The following TNFRSF1B variants were observed in gnomAD, a reference collection of about 807,000 sequenced individuals.
TNFRSF1B encodes TNF receptor superfamily member 1B, also known as tumor necrosis factor receptor superfamily member 1B.
Under a neutral mutation model 44.6 loss-of-function variants are expected in TNFRSF1B, and 19 were observed. That is an observed-to-expected ratio of 0.43 (90% confidence interval 0.30 to 0.62). The LOEUF is 0.62. Ranked by LOEUF, TNFRSF1B falls within the 20% of genes least tolerant of loss-of-function variation. The probability of loss-of-function intolerance (pLI) is 0.16; values close to 1 mark genes in which losing one functional copy is unlikely to be tolerated. For synonymous variants in TNFRSF1B, 252 were observed against 261.1 expected, an observed-to-expected ratio of 0.97 and a Z score of 0.34; for missense variants, 541 against 619.9, an observed-to-expected ratio of 0.87 and a Z score of 1.35.
intron 1 of TNFRSF1B, among the ~76,000 whole-genome samples, chr1:12,179,924 C>T (rs1156448136): frequency 1.3e-5 from 2 of 152,144 alleles, no homozygotes; most frequent in African/African-American, 4.8e-5. Flanking sequence ...GGTACTTTTC[C>T]TGGATCTGAA....
rs755130591 is a variant in TNFRSF1B, at chr1:12,192,477, G to A, written c.504G>A (p.Thr168=). 5.6e-6 allele frequency: 9 copies of A among 1,614,156 alleles called. No individual in the cohort carries two copies. The East Asian group carries it at 8.9e-5, about 16-fold the overall frequency. Reference sequence around the variant, plus strand: ...TGTGCAAGCCCTGTGCCCCGGGGACGTTCTCCAACACGACTTCATCCACGG... The same window carrying A: ...TGTGCAAGCCCTGTGCCCCGGGGACATTCTCCAACACGACTTCATCCACGG... The part of the protein sequence containing the change: ...DVVCKPCAPG[T]FSNTTSSTDI... Residue 168 remains threonine (T), a synonymous_variant, in exon 5 of 10, where the codon ACG becomes ACA. Transcript: ENST00000376259.
chr1:12,190,830 T>C (rs888282324), intron 2 of TNFRSF1B, 127 bp from the exon 3 acceptor site: 1 of 1,131,320 alleles, frequency 8.8e-7, no homozygotes, highest in Admixed American at 2.4e-5. Flanking sequence ...TTCTGAGGAA[T>C]TGGAACTCCA....
intron 6 of TNFRSF1B, 94 bp downstream of exon 6, chr1:12,193,192 C>CG (rs923160179): frequency 6.0e-6 from 7 of 1,176,336 alleles, no homozygotes; most frequent in African/African-American, 3.0e-5. Context: ...TGAGAGCCCA[C>CG]GGGGGGCTGG....
At chr1:12,174,154 T>TCTCCTTCTC (rs61272101) in intron 1 of TNFRSF1B, among the ~76,000 whole-genome samples, 74 of 73,938 alleles carry the variant, frequency 1.0e-3, no homozygotes, top group South Asian at 1.9e-3. Context: ...TTCTTCTTCT[T>TCTCCTTCTC]CTTCTTCTTC....
chr1:12,199,204 A>G lies in TNFRSF1B; in HGVS notation c.901-2763A>G, dbSNP rs1431429794. Among the ~76,000 whole-genome samples, 5 of 152,198 alleles carry G rather than the reference A, an allele frequency of 3.3e-5. No homozygotes were observed. The highest frequency in any genetic ancestry group is 6.5e-5 in the Admixed American group (1 of 15,282). Reference sequence around the variant, plus strand: ...CAGAGGGGGTGGGGCACAGGCCAGAAAAACCCCTTTTGTGGGGTTGTGAGG... The same window carrying G: ...CAGAGGGGGTGGGGCACAGGCCAGAGAAACCCCTTTTGTGGGGTTGTGAGG... On this transcript the variant is annotated intron_variant, in intron 8 of 9. Transcript: ENST00000376259. This position sits in a 1 kb window ranked among gnomAD's most constrained non-coding sequence, Gnocchi z 4.0.
intron 8 of TNFRSF1B, among the ~76,000 whole-genome samples, chr1:12,201,353 A>G (rs1460258531): frequency 6.6e-6 from 1 of 152,080 alleles, no homozygotes; most frequent in East Asian, 1.9e-4. Context: ...CTGATTTAAC[A>G]AACTCTTGTA....
At chr1:12,173,796 G>A (rs145113626) in intron 1 of TNFRSF1B, among the ~76,000 whole-genome samples, 4 of 152,216 alleles carry the variant, frequency 2.6e-5, no homozygotes, top group Non-Finnish European at 4.4e-5. Context: ...AGCTGACTGC[G>A]GGGCTGGGGC....
chr1:12,181,977 A>C (rs1238355403), intron 1 of TNFRSF1B, among the ~76,000 whole-genome samples: 1 of 152,098 alleles, frequency 6.6e-6, no homozygotes, highest in Non-Finnish European at 1.5e-5. Flanking sequence ...CCACACTCTC[A>C]TTTTACAGGC....
rs1178244763 is a variant in TNFRSF1B at position 12,180,991 on chromosome 1, G to A, written c.79-7805G>A. ...TGTCAAGGAGGACCACATCTGGCCT[G>A]TTGCACTCTTCTCCTTTGCCCCACC... On this transcript the variant is annotated intron_variant, in intron 1 of 9. Coordinates refer to ENST00000376259, the MANE Select transcript of TNFRSF1B (RefSeq NM_001066.3). The surrounding 1 kb of genome is among the most constrained non-coding windows in gnomAD (Gnocchi z 4.3). 3.9e-5 allele frequency among the ~76,000 whole-genome samples: 6 copies of A among 152,190 alleles called. No homozygotes were observed. Among genetic ancestry groups the A allele is most frequent in the Non-Finnish European group, 8.8e-5 (6 of 68,028 alleles).
chr1:12,189,516 G>A (rs1557632540), intron 2 of TNFRSF1B, among the ~76,000 whole-genome samples: 1 of 152,208 alleles, frequency 6.6e-6, no homozygotes, highest in Non-Finnish European at 1.5e-5. Context: ...GCCACAGTTG[G>A]TGGAGCTAGG....
At position 12,183,754 on chromosome 1, in the gene TNFRSF1B, TA is replaced by T. The variant is rs1557629297; in HGVS notation, c.79-5041del. The stretch of plus-strand genomic sequence containing the variant: ...CTATCTATCTATCTATCTATCTAGC[TA>T]GCTAGCTAGCTAGCTATCTATTCTA... On this transcript the variant is annotated intron_variant, in intron 1 of 9. Transcript: ENST00000376259. 3.1e-3 allele frequency among the ~76,000 whole-genome samples: 334 copies of T among 107,284 alleles called. 6 individuals are homozygous for T. Among genetic ancestry groups the T allele is most frequent in the South Asian group, 8.9e-3 (27 of 3,050 alleles). The allele number at this position is 107,284 out of a possible 152,430, so 70.4% of individuals were successfully genotyped here.
intron 8 of TNFRSF1B, among the ~76,000 whole-genome samples, chr1:12,195,272 G>C (rs1639241700): frequency 1.3e-5 from 2 of 152,190 alleles, no homozygotes. Context: ...CCATCAGGAA[G>C]GCATTTGGCT....
intron 2 of TNFRSF1B, among the ~76,000 whole-genome samples, chr1:12,189,678 C>T (rs538390743): frequency 3.3e-5 from 5 of 152,294 alleles, no homozygotes; most frequent in African/African-American, 4.8e-5. Context: ...TGCATTTTAA[C>T]GGTGGATGCA....
At chr1:12,196,634 T>C (rs1639271131) in intron 8 of TNFRSF1B, among the ~76,000 whole-genome samples, 1 of 152,238 alleles carries the variant, frequency 6.6e-6, no homozygotes, top group Non-Finnish European at 1.5e-5. Context: ...ACTGAGTTGC[T>C]CAAGGTCGCA....
rs917790470 is a variant in TNFRSF1B, at chr1:12,207,306, G to A, written c.*286G>A. 1 of 374,022 alleles carries A rather than the reference G, an allele frequency of 2.7e-6. No individual in the cohort carries two copies. The highest frequency in any genetic ancestry group is 4.8e-6 in the Non-Finnish European group (1 of 210,396). 23.2% of individuals were successfully genotyped at this position (374,022 alleles called of 1,614,324 possible). Reference sequence around the variant, plus strand: ...CTGGGGCAAGTCCCTGACTCTCTGTGACCTGCCCCGCCCAGCTGCACCTGC... The same window carrying A: ...CTGGGGCAAGTCCCTGACTCTCTGTAACCTGCCCCGCCCAGCTGCACCTGC... On this transcript the variant is annotated 3_prime_UTR_variant, in exon 10 of 10. Coordinates refer to ENST00000376259, the MANE Select transcript of TNFRSF1B (RefSeq NM_001066.3).
At chr1:12,191,182 C>T (rs934452561) in intron 3 of TNFRSF1B, 97 bp downstream of exon 3, 5 of 1,503,800 alleles carry the variant, frequency 3.3e-6, no homozygotes, top group Non-Finnish European at 4.5e-6. Context: ...CTGGAGTTAC[C>T]CCAGGCTGGT....
intron 9 of TNFRSF1B, among the ~76,000 whole-genome samples, chr1:12,205,095 A>G (rs1298734871): frequency 6.6e-6 from 1 of 152,148 alleles, no homozygotes; most frequent in Non-Finnish European, 1.5e-5. Context: ...TCTGGAGATC[A>G]GGAGATCACA....
rs961563702 is a variant in TNFRSF1B, at chr1:12,208,232, A to C, written c.*1212A>C. ...TAGGCCACACCATCTCCTTTCAGGG[A>C]ATTTCAGGAACTAGAGATGACTGAG... On this transcript the variant is annotated 3_prime_UTR_variant, in exon 10 of 10. Transcript: ENST00000376259. 6 of 152,664 alleles carry C rather than the reference A, an allele frequency of 3.9e-5. No individual in the cohort carries two copies. The highest frequency in any genetic ancestry group is 1.5e-4 in the African/African-American group (6 of 41,350). 9.5% of individuals were successfully genotyped at this position (152,664 alleles called of 1,614,324 possible).
chr1:12,181,360 G>A (rs1219995907), intron 1 of TNFRSF1B, among the ~76,000 whole-genome samples: 1 of 152,146 alleles, frequency 6.6e-6, no homozygotes, highest in African/African-American at 2.4e-5. Context: ...GCGCCCCCAT[G>A]GAGCCCCCAG....
Sources: allele counts gnomAD v4.1 joint callset (sites outside exome capture counted in the v4.1 genomes callset), GRCh38; gene constraint gnomAD v4.1.1; non-coding constraint Gnocchi (gnomAD v3.1); transcripts MANE v1.5; gene names NCBI Gene and HGNC (gene_info 2026-07-23, HGNC 2026-07-21).